The following TLE4 variants were observed in gnomAD, a reference collection of about 807,000 sequenced individuals.
The protein encoded by TLE4 is TLE family member 4, transcriptional corepressor.
In TLE4, 8 loss-of-function variants were observed where a neutral mutation model predicts 92.8. The ratio of observed to expected loss-of-function variants is 0.09; its 90% confidence interval spans 0.05 to 0.16. The LOEUF (loss-of-function observed/expected upper bound fraction) is 0.16. Among genes scored for constraint, TLE4 ranks in the 10% least tolerant of loss-of-function variants. TLE4 has a pLI of 1.00. For missense variants in TLE4, 675 were observed against 997.6 expected, an observed-to-expected ratio of 0.68 and a Z score of 4.36; for synonymous variants, 371 against 374.1, an observed-to-expected ratio of 0.99 and a Z score of 0.10.
chr9:79,655,610 T>C (rs2059670836), intron 8 of TLE4, among the ~76,000 whole-genome samples: 1 of 152,226 alleles, frequency 6.6e-6, no homozygotes, highest in Non-Finnish European at 1.5e-5. Flanking sequence ...GCATTTGCAG[T>C]TGTGTATTTT....
intron 5 of TLE4, 116 bp from the exon 6 acceptor site, chr9:79,627,258 A>G: frequency 9.9e-7 from 1 of 1,011,854 alleles, no homozygotes; most frequent in Non-Finnish European, 1.5e-6. Context: ...GGAAACCTGG[A>G]GATCCCCCAA....
chr9:79,687,944 G>T (rs1327964939), intron 8 of TLE4, among the ~76,000 whole-genome samples: 1 of 152,180 alleles, frequency 6.6e-6, no homozygotes, highest in South Asian at 2.1e-4. Flanking sequence ...CTGGGATTCT[G>T]CATTTCTAAC....
intron 6 of TLE4, among the ~76,000 whole-genome samples, chr9:79,647,791 CT>C (rs1255357660): frequency 6.6e-6 from 1 of 151,706 alleles, no homozygotes; most frequent in Non-Finnish European, 1.5e-5. Flanking sequence ...TTTAAAAAGT[CT>C]TTTTTTGTCT....
At chr9:79,597,435 G>A (rs1485076713) in intron 4 of TLE4, among the ~76,000 whole-genome samples, 1 of 151,986 alleles carries the variant, frequency 6.6e-6, no homozygotes, top group African/African-American at 2.4e-5. Flanking sequence ...CTTTTATTTA[G>A]GTAATTTTAT....
intron 4 of TLE4, among the ~76,000 whole-genome samples, chr9:79,583,396 C>T (rs543226145): frequency 6.6e-6 from 1 of 152,228 alleles, no homozygotes; most frequent in South Asian, 2.1e-4. Context: ...TGAGGATTTG[C>T]CCACACACAT....
chr9:79,671,683 C>A (rs2062378474), intron 8 of TLE4: 1 of 160,248 alleles, frequency 6.2e-6, no homozygotes, highest in Non-Finnish European at 1.4e-5. Context: ...TTCTTTTCTT[C>A]AGACCGAGTT....
intron 4 of TLE4, among the ~76,000 whole-genome samples, chr9:79,611,554 G>A (rs1355688137): frequency 6.6e-6 from 1 of 151,988 alleles, no homozygotes; most frequent in African/African-American, 2.4e-5. Context: ...GGCATTTTGG[G>A]CCTCACATAA....
At chr9:79,577,486 T>C (rs959746938) in intron 4 of TLE4, among the ~76,000 whole-genome samples, 9 of 152,250 alleles carry the variant, frequency 5.9e-5, no homozygotes, top group African/African-American at 1.9e-4. Context: ...TAAATTCTTA[T>C]TTTGGCATCT....
At chr9:79,578,800 G>C (rs2038757842) in intron 4 of TLE4, among the ~76,000 whole-genome samples, 2 of 150,184 alleles carry the variant, frequency 1.3e-5, no homozygotes, top group Admixed American at 1.3e-4. Flanking sequence ...TGGTAACTGA[G>C]TAAATAGCAT....
intron 6 of TLE4, among the ~76,000 whole-genome samples, chr9:79,639,894 A>G (rs1006909998): frequency 1.3e-5 from 2 of 152,154 alleles, no homozygotes; most frequent in African/African-American, 4.8e-5. Flanking sequence ...AGATAGATAC[A>G]TATATATTTC....
At chr9:79,644,844 G>A (rs754915330) in intron 6 of TLE4, among the ~76,000 whole-genome samples, 2 of 152,136 alleles carry the variant, frequency 1.3e-5, no homozygotes, top group Non-Finnish European at 2.9e-5. Flanking sequence ...TTGGATTGAG[G>A]CACACGTGCT....
intron 4 of TLE4, among the ~76,000 whole-genome samples, chr9:79,591,445 A>G (rs894121464): frequency 6.6e-5 from 10 of 152,198 alleles, no homozygotes; most frequent in Non-Finnish European, 1.2e-4. Context: ...GGGATGCATT[A>G]TAGAAGGCCT....
Position 79,702,060 on chromosome 9 carries a change from G to T in TLE4, c.610-2723G>T, listed in dbSNP as rs780493722. Among the ~76,000 whole-genome samples, 235 of 152,192 alleles carry T rather than the reference G, an allele frequency of 1.5e-3. 1 individual carries two copies. The highest frequency in any genetic ancestry group is 5.3e-4 in the Non-Finnish European group (36 of 68,030). On this transcript the variant is annotated intron_variant, in intron 8 of 19. Coordinates refer to ENST00000376552, the MANE Select transcript of TLE4 (RefSeq NM_007005.6). ...TTAAGGATAGTGGGGGATTTCAAAA[G>T]ATAGATCTTGAGAAAATAGTCATTG...
chr9:79,654,296 ATTGCAAGATCTGGC>A (rs1371755229), intron 8 of TLE4, among the ~76,000 whole-genome samples: 1 of 150,898 alleles, frequency 6.6e-6, no homozygotes, highest in African/African-American at 2.4e-5. Context: ...CCCAGGTTGA[ATTGCAAGATCTGGC>A]TTGCATTGCT....
rs187760850 is a variant in TLE4 at position 79,686,507 on chromosome 9, A to G, written c.610-18276A>G. Among the ~76,000 whole-genome samples the G allele has an allele frequency of 3.6e-4, 55 of 152,306 alleles. No homozygotes were observed. In the East Asian group the frequency reaches 9.8e-3, roughly 27 times the overall value. ...TTAAGATGAGGTCATCCGGGAATCAAGTTGGCCCTGCATCCAGTGACTCAT... is the reference window on the plus strand; with the variant it reads ...TTAAGATGAGGTCATCCGGGAATCAGGTTGGCCCTGCATCCAGTGACTCAT... On this transcript the variant is annotated intron_variant, in intron 8 of 19. Transcript: ENST00000376552.
At chr9:79,630,316 G>A (rs2053838005) in intron 6 of TLE4, among the ~76,000 whole-genome samples, 1 of 152,130 alleles carries the variant, frequency 6.6e-6, no homozygotes, top group Non-Finnish European at 1.5e-5. Context: ...TTGACAATAA[G>A]CTGGTTGTGT....
At chr9:79,642,780 G>A (rs1030231758) in intron 6 of TLE4, among the ~76,000 whole-genome samples, 24 of 152,158 alleles carry the variant, frequency 1.6e-4, no homozygotes, top group Non-Finnish European at 2.2e-4. Flanking sequence ...CAATGGAGCC[G>A]CTGGCAAAGA....
At chr9:79,700,249 C>G (rs2069430107) in intron 8 of TLE4, among the ~76,000 whole-genome samples, 1 of 152,244 alleles carries the variant, frequency 6.6e-6, no homozygotes, top group Admixed American at 6.5e-5. Context: ...AGACTCTAGA[C>G]TCACACCAGG....
At chr9:79,616,741 ACTC>A (rs2133202566) in intron 5 of TLE4, among the ~76,000 whole-genome samples, 1 of 151,814 alleles carries the variant, frequency 6.6e-6, no homozygotes, top group Non-Finnish European at 1.5e-5. Context: ...CCCAGTAACA[ACTC>A]CTCCTCCATC....
Sources: gnomAD v4.1 joint callset for allele counts (sites outside exome capture counted in the v4.1 genomes callset) on GRCh38, gnomAD v4.1.1 for gene constraint, MANE v1.5 for transcripts, NCBI Gene and HGNC (gene_info 2026-07-23, HGNC 2026-07-21) for gene names.